SPMIP7: variants seen among roughly 807,000 people sequenced by gnomAD.
SPMIP7 encodes protein SPMIP7.
chr7:50,121,261 G>A, the SPMIP7 span: 2 of 152,198 alleles, frequency 1.3e-5, no homozygotes, highest in African/African-American at 2.4e-5. Flanking sequence ...CTGAGCAAAA[G>A]AGAATAATTG....
At chr7:50,107,362 CA>C in the SPMIP7 span, among the ~76,000 whole-genome samples, 16 of 16,656 alleles carry the variant, frequency 9.6e-4, no homozygotes, top group South Asian at 2.8e-3. Context: ...GACTCTGTCT[CA>C]AAAAAAAAAA....
At chr7:50,130,614 A>T in the SPMIP7 span, among the ~76,000 whole-genome samples, 1 of 152,172 alleles carries the variant, frequency 6.6e-6, no homozygotes, top group Non-Finnish European at 1.5e-5. Flanking sequence ...ATCATATCTT[A>T]AAAAGTGACA....
chr7:50,143,871 A>G, the SPMIP7 span, among the ~76,000 whole-genome samples: 1 of 152,236 alleles, frequency 6.6e-6, no homozygotes, highest in East Asian at 1.9e-4. Flanking sequence ...TTTTACCACT[A>G]TAACATTACC....
At chr7:50,124,449 G>T in the SPMIP7 span, among the ~76,000 whole-genome samples, 3 of 152,086 alleles carry the variant, frequency 2.0e-5, no homozygotes, top group Admixed American at 1.3e-4. Flanking sequence ...AAATGCACAT[G>T]ATATGTTTAC....
the SPMIP7 span, among the ~76,000 whole-genome samples, chr7:50,128,366 G>A: frequency 3.3e-5 from 5 of 151,888 alleles, no homozygotes. Context: ...CAAATATACA[G>A]TTAGATTCAA....
chr7:50,145,595 T>G, the SPMIP7 span, among the ~76,000 whole-genome samples: 2 of 82,370 alleles, frequency 2.4e-5, no homozygotes, highest in Non-Finnish European at 5.5e-5. Flanking sequence ...TGCGTGTGTG[T>G]GTGTGTGTGT....
At chr7:50,140,883 C>T in the SPMIP7 span, among the ~76,000 whole-genome samples, 1 of 152,202 alleles carries the variant, frequency 6.6e-6, no homozygotes, top group Non-Finnish European at 1.5e-5. Context: ...TGCCCAAGCT[C>T]CTCTGCACCT....
chr7:50,112,724 G>T, the SPMIP7 span, among the ~76,000 whole-genome samples: 1 of 152,102 alleles, frequency 6.6e-6, no homozygotes, highest in Non-Finnish European at 1.5e-5. Flanking sequence ...ACACCAGCTT[G>T]CTTCCTGGGG....
chr7:50,131,208 G>A, the SPMIP7 span, among the ~76,000 whole-genome samples: 3 of 152,156 alleles, frequency 2.0e-5, no homozygotes, highest in African/African-American at 7.2e-5. Flanking sequence ...CAACGGTTGA[G>A]TTCTGGATGT....
At chr7:50,133,045 C>A in the SPMIP7 span, among the ~76,000 whole-genome samples, 1 of 152,110 alleles carries the variant, frequency 6.6e-6, no homozygotes, top group African/African-American at 2.4e-5. Context: ...TCAAGTTTCA[C>A]ACTAAGTGTG....
At chr7:50,114,273 T>C in the SPMIP7 span, among the ~76,000 whole-genome samples, 1 of 152,138 alleles carries the variant, frequency 6.6e-6, no homozygotes, top group Non-Finnish European at 1.5e-5. Context: ...CATCTTGGAG[T>C]TCTTTACAGT....
At chr7:50,108,932 G>A in the SPMIP7 span, among the ~76,000 whole-genome samples, 3 of 152,236 alleles carry the variant, frequency 2.0e-5, no homozygotes, top group Admixed American at 6.5e-5. Flanking sequence ...TACAAAACAC[G>A]TCTTAGCACC....
the SPMIP7 span, chr7:50,151,463 C>G: frequency 1.3e-6 from 2 of 1,550,734 alleles, no homozygotes; most frequent in East Asian, 2.4e-5. Flanking sequence ...TGCAAATATT[C>G]CAGGATATAC....
chr7:50,128,144 T>C, the SPMIP7 span, among the ~76,000 whole-genome samples: 7 of 151,934 alleles, frequency 4.6e-5, no homozygotes. Flanking sequence ...TAAAAGAGAA[T>C]AAAATTCTGT....
At chr7:50,152,061 G>A in the SPMIP7 span, among the ~76,000 whole-genome samples, 1 of 152,276 alleles carries the variant, frequency 6.6e-6, no homozygotes, top group East Asian at 1.9e-4. Context: ...GAAAGCAGGA[G>A]ATGTGGCCAG....
At chr7:50,109,835 A>G in the SPMIP7 span, among the ~76,000 whole-genome samples, 3 of 152,188 alleles carry the variant, frequency 2.0e-5, no homozygotes, top group Non-Finnish European at 4.4e-5. Context: ...AATTTTTCTG[A>G]TGCAATATTA....
At chr7:50,136,262 G>A in the SPMIP7 span, 1 of 869,088 alleles carries the variant, frequency 1.2e-6, no homozygotes, top group South Asian at 1.5e-5. Context: ...AGAGGTGTGG[G>A]TGAGGGATAT....
the SPMIP7 span, among the ~76,000 whole-genome samples, chr7:50,108,912 T>C: frequency 6.6e-6 from 1 of 152,122 alleles, no homozygotes; most frequent in Non-Finnish European, 1.5e-5. Flanking sequence ...ATATATGAAT[T>C]GATGTATAGT....
At chr7:50,128,616 T>A in the SPMIP7 span, among the ~76,000 whole-genome samples, 1 of 151,984 alleles carries the variant, frequency 6.6e-6, no homozygotes, top group African/African-American at 2.4e-5. Flanking sequence ...TACAAATACA[T>A]TTTAAAACTA....
Sources: gnomAD v4.1 joint callset for allele counts (sites outside exome capture counted in the v4.1 genomes callset) on GRCh38, gnomAD v4.1.1 for gene constraint, MANE v1.5 for transcripts, NCBI Gene and HGNC (gene_info 2026-07-23, HGNC 2026-07-21) for gene names.